The following DOK6 variants were observed in gnomAD, a reference collection of about 807,000 sequenced individuals.
DOK6 encodes the protein downstream of tyrosine kinase 6.
A neutral mutation model predicts 44.0 loss-of-function variants in DOK6; 22 were observed. The observed-to-expected ratio is 0.50, with a 90% confidence interval of 0.36 to 0.71. The LOEUF (loss-of-function observed/expected upper bound fraction) is 0.71. Among genes scored for constraint, DOK6 ranks in the 30% least tolerant of loss-of-function variants. DOK6 has a pLI of 0.00. For synonymous variants in DOK6, 166 were observed against 145.5 expected, an observed-to-expected ratio of 1.14 and a Z score of -1.01; for missense variants, 340 against 416.4, an observed-to-expected ratio of 0.82 and a Z score of 1.60.
chr18:69,698,366 T>G (rs1222522112), intron 4 of DOK6, 38 bp from the exon 5 acceptor site: 7 of 1,562,716 alleles, frequency 4.5e-6, no homozygotes, highest in African/African-American at 1.4e-5. Context: ...CTCACACCTC[T>G]TTTCACTTAA....
rs1491561193 is a variant in DOK6 at position 69,612,458 on chromosome 18, CGT to C, written c.289+12962_289+12963del. ...GTGTGCGAGGGCGCATGTGTGCGAG[CGT>C]GCATATGTATTTCTTGCTCTTTTCT... On this transcript the variant is annotated intron_variant, in intron 3 of 7. Coordinates refer to ENST00000382713, the MANE Select transcript of DOK6 (RefSeq NM_152721.6). Among the ~76,000 whole-genome samples, 18 of 62,696 alleles carry C rather than the reference CGT, an allele frequency of 2.9e-4. 2 individuals carry two copies. The highest frequency in any genetic ancestry group is 8.5e-4 in the African/African-American group (13 of 15,346). 41.1% of individuals were successfully genotyped at this position (62,696 alleles called of 152,430 possible).
intron 1 of DOK6, among the ~76,000 whole-genome samples, chr18:69,458,516 A>G (rs534937252): frequency 2.0e-5 from 3 of 152,300 alleles, no homozygotes; most frequent in African/African-American, 7.2e-5. Context: ...ACTCCTACTC[A>G]ACATAGTACT....
intron 1 of DOK6, among the ~76,000 whole-genome samples, chr18:69,432,894 A>T (rs969111222): frequency 6.6e-6 from 1 of 152,180 alleles, no homozygotes; most frequent in Non-Finnish European, 1.5e-5. Context: ...GTTGCCCCCT[A>T]GGATTTCATT....
At chr18:69,493,560 G>T (rs139550528) in intron 1 of DOK6, among the ~76,000 whole-genome samples, 13 of 152,174 alleles carry the variant, frequency 8.5e-5, no homozygotes, top group African/African-American at 2.9e-4. Flanking sequence ...GAGAATCATT[G>T]CACTAGACAA....
At chr18:69,563,315 G>T (rs1039355362) in intron 1 of DOK6, among the ~76,000 whole-genome samples, 2 of 152,136 alleles carry the variant, frequency 1.3e-5, no homozygotes, top group Non-Finnish European at 2.9e-5. Context: ...ATACCCAAAA[G>T]ATTATAAATC....
intron 1 of DOK6, among the ~76,000 whole-genome samples, chr18:69,429,158 C>T (rs555327372): frequency 6.6e-6 from 1 of 152,200 alleles, no homozygotes; most frequent in Admixed American, 6.6e-5. Context: ...TATCCATTGG[C>T]TTCAAAAATT....
At chr18:69,746,242 A>C (rs1978980738) in intron 6 of DOK6, among the ~76,000 whole-genome samples, 1 of 152,170 alleles carries the variant, frequency 6.6e-6, no homozygotes, top group Admixed American at 6.6e-5. Context: ...ATTTTGGTCC[A>C]TACATGATTT....
At chr18:69,713,511 G>C (rs1191739752) in intron 5 of DOK6, among the ~76,000 whole-genome samples, 1 of 152,274 alleles carries the variant, frequency 6.6e-6, no homozygotes, top group Non-Finnish European at 1.5e-5. Context: ...GGCAGAATTT[G>C]CTGAGATACT....
intron 7 of DOK6, among the ~76,000 whole-genome samples, chr18:69,825,364 C>T (rs1164974698): frequency 2.0e-5 from 3 of 151,832 alleles, no homozygotes; most frequent in African/African-American, 7.3e-5. Context: ...ATTAGCCAAC[C>T]CATTGTCACC....
intron 1 of DOK6, among the ~76,000 whole-genome samples, chr18:69,493,359 A>G (rs1372776): frequency 0.45 from 68,831 of 151,984 alleles, 16,037 homozygotes; most frequent in African/African-American, 0.49. Flanking sequence ...CAAGACATGG[A>G]CATCCATGCA....
chr18:69,781,496 T>G (rs999123362), intron 7 of DOK6: 1 of 152,170 alleles, frequency 6.6e-6, no homozygotes, highest in African/African-American at 2.4e-5. Flanking sequence ...ATGACATGAC[T>G]TACCACCTAA....
At chr18:69,673,753 G>A (rs762601260) in intron 3 of DOK6, among the ~76,000 whole-genome samples, 4 of 152,074 alleles carry the variant, frequency 2.6e-5, no homozygotes, top group Non-Finnish European at 4.4e-5. Context: ...CTAGTCCAGA[G>A]AAAAAGTTAT....
At chr18:69,607,318 C>G (rs1489023788) in intron 3 of DOK6, among the ~76,000 whole-genome samples, 1 of 142,704 alleles carries the variant, frequency 7.0e-6, no homozygotes, top group East Asian at 2.1e-4. Context: ...ATGAAGCCAG[C>G]ATAGTAACAT....
In DOK6 at chr18:69,703,069, C is replaced by A. The variant is rs113020327; in HGVS notation, c.599+4476C>A. Among the ~76,000 whole-genome samples the A allele has an allele frequency of 5.2e-3, 792 of 151,950 alleles. 4 individuals are homozygous for A. The highest frequency in any genetic ancestry group is 9.3e-3 in the Non-Finnish European group (631 of 67,972). Reference sequence around the variant, plus strand: ...CCGAGGGGGAAAAAAAAAAAGCAGACCTGGTATTATCATAGCAAGAGATTT... The same window carrying A: ...CCGAGGGGGAAAAAAAAAAAGCAGAACTGGTATTATCATAGCAAGAGATTT... On this transcript the variant is annotated intron_variant, in intron 5 of 7. Transcript: ENST00000382713.
Position 69,842,111 on chromosome 18 carries a change from T to C in DOK6, c.*728T>C, listed in dbSNP as rs1251897101. The C allele has an allele frequency of 6.7e-6, 1 of 148,970 alleles. No homozygotes were observed. Among genetic ancestry groups the C allele is most frequent in the Non-Finnish European group, 1.5e-5 (1 of 67,640 alleles). 9.2% of individuals were successfully genotyped at this position (148,970 alleles called of 1,614,324 possible). On this transcript the variant is annotated 3_prime_UTR_variant, in exon 8 of 8. Transcript: ENST00000382713. ...TGGTGCATTAAAGTTAAGATTGTTA[T>C]GTTGAATAGCTATTTTTAAAATAGT... is the stretch of plus-strand genomic sequence containing the variant.
chr18:69,774,133 G>GAGAGATATATATATATAT (rs1555670147), intron 7 of DOK6, among the ~76,000 whole-genome samples: 1 of 66,866 alleles, frequency 1.5e-5, no homozygotes, highest in Non-Finnish European at 3.3e-5. Context: ...ATATATATGA[G>GAGAGATATATATATATAT]ATATATATAT....
At chr18:69,608,517 A>T (rs1407791372) in intron 3 of DOK6, among the ~76,000 whole-genome samples, 1 of 152,016 alleles carries the variant, frequency 6.6e-6, no homozygotes, top group Non-Finnish European at 1.5e-5. Flanking sequence ...GAATTGTAGA[A>T]TTTTTTTTAT....
chr18:69,548,629 G>GT (rs1270447056), intron 1 of DOK6, among the ~76,000 whole-genome samples: 1 of 151,480 alleles, frequency 6.6e-6, no homozygotes, highest in Non-Finnish European at 1.5e-5. Flanking sequence ...TTAGAGACTT[G>GT]TAGCTTGAAA....
intron 3 of DOK6, among the ~76,000 whole-genome samples, chr18:69,650,962 G>A (rs73973518): frequency 6.6e-6 from 1 of 152,102 alleles, no homozygotes; most frequent in Admixed American, 6.5e-5. Context: ...TAAAATTTAA[G>A]AACAATCTTG....
Sources: gnomAD v4.1 joint callset for allele counts (sites outside exome capture counted in the v4.1 genomes callset) on GRCh38, gnomAD v4.1.1 for gene constraint, MANE v1.5 for transcripts, NCBI Gene and HGNC (gene_info 2026-07-23, HGNC 2026-07-21) for gene names.